VCPIP1: variants seen among roughly 807,000 people sequenced by gnomAD.
The protein encoded by VCPIP1 is valosin containing protein interacting protein 1, also known as deubiquitinating protein VCPIP1.
A neutral mutation model predicts 85.0 loss-of-function variants in VCPIP1; 8 were observed. That is an observed-to-expected ratio of 0.09 (90% confidence interval 0.06 to 0.17). The LOEUF (loss-of-function observed/expected upper bound fraction) is 0.17, where lower values mean the gene tolerates loss of function less well. Among genes scored for constraint, VCPIP1 ranks in the 10% least tolerant of loss-of-function variants. The pLI, the probability that VCPIP1 is intolerant of heterozygous loss-of-function variation, is 1.00. For missense variants in VCPIP1, 1,070 were observed against 1,486.3 expected (o/e 0.72, Z 4.61); for synonymous variants, 543 against 544.5 (o/e 1.00, Z 0.04).
At chr8:66,657,097 G>C (rs1012172898) in intron 1 of VCPIP1, among the ~76,000 whole-genome samples, 12 of 151,988 alleles carry the variant, frequency 7.9e-5, no homozygotes, top group Non-Finnish European at 7.4e-5. Context: ...TAGAGATAGG[G>C]TTTCTCCATG....
At chr8:66,650,361 C>T (rs1811039991) in intron 2 of VCPIP1, among the ~76,000 whole-genome samples, 1 of 152,054 alleles carries the variant, frequency 6.6e-6, no homozygotes, top group African/African-American at 2.4e-5. Context: ...ATGAAAACAA[C>T]AAGATTATGC....
Position 66,664,742 on chromosome 8 carries a change from T to C in VCPIP1, c.2217A>G (p.Gln739=), listed in dbSNP as rs1221074669. The change falls in exon 1 of 3, where the codon CAA becomes CAG. Residue 739 remains glutamine (Q), a synonymous_variant. Coordinates refer to ENST00000310421, the MANE Select transcript of VCPIP1 (RefSeq NM_025054.5). ...GAGAAACAGTCCTGGGTTGCCCTTT[T>C]TGTTCTTGTTTTAACTTCTCTGTTT... The part of the protein sequence containing the change: ...KRKTEKLKQE[Q]KGQPRTVSPS... 3 of 1,613,358 alleles carry C rather than the reference T, an allele frequency of 1.9e-6. No individual in the cohort carries two copies. Among genetic ancestry groups the C allele is most frequent in the African/African-American group, 1.3e-5 (1 of 74,868 alleles).
intron 2 of VCPIP1, among the ~76,000 whole-genome samples, chr8:66,640,172 G>A (rs1810933236): frequency 6.6e-6 from 1 of 152,152 alleles, no homozygotes; most frequent in Non-Finnish European, 1.5e-5. Flanking sequence ...ATTCTATTTT[G>A]GAAGGTACTT....
intron 2 of VCPIP1, among the ~76,000 whole-genome samples, chr8:66,644,432 T>C (rs569804681): frequency 6.6e-6 from 1 of 152,266 alleles, no homozygotes; most frequent in South Asian, 2.1e-4. Context: ...AGAAAAACCA[T>C]ATGATCATCT....
intron 2 of VCPIP1, among the ~76,000 whole-genome samples, chr8:66,641,566 G>C (rs1810948209): frequency 6.6e-6 from 1 of 152,076 alleles, no homozygotes. Flanking sequence ...TTTTAGAACA[G>C]TTTCATCACC....
intron 1 of VCPIP1, among the ~76,000 whole-genome samples, chr8:66,652,523 G>A (rs1402243505): frequency 6.6e-6 from 1 of 151,888 alleles, no homozygotes; most frequent in Non-Finnish European, 1.5e-5. Context: ...TGAGGCAGGA[G>A]AATAGCTTGA....
Position 66,666,549 on chromosome 8 carries a change from T to TA in VCPIP1, c.409dup (p.Tyr137LeufsTer29). On this transcript the variant is annotated frameshift_variant, in exon 1 of 3. Transcript: ENST00000310421. LOFTEE classifies it high-confidence loss of function. This position sits in a 1 kb window ranked among gnomAD's most constrained non-coding sequence, Gnocchi z 6.3. ...CCGGCCTGTCTGTTTGTCCATTCCA[T>TA]AGCGAGCTAATATGGGCGACAACAA... The TA allele has an allele frequency of 6.2e-7, 1 of 1,614,118 alleles. No individual in the cohort carries two copies. Among genetic ancestry groups the TA allele is most frequent in the Non-Finnish European group, 8.5e-7 (1 of 1,180,020 alleles).
In VCPIP1 at chr8:66,664,927, C is replaced by A. The variant is rs777501263; in HGVS notation, c.2032G>T (p.Asp678Tyr). The A allele has an allele frequency of 6.2e-7, 1 of 1,614,160 alleles. No individual in the cohort carries two copies. Among genetic ancestry groups the A allele is most frequent in the Non-Finnish European group, 8.5e-7 (1 of 1,180,038 alleles). ...GACTCTGATTCTTGTCCTTGAACAT[C>A]TCCAACTCTTTGGGCGTGAGCACCA... ...IDGAHAQRVG[D>Y]VQGQESESQL... is the part of the protein sequence containing the mutation. The change falls in exon 1 of 3, where the codon GAT becomes TAT. Residue 678 changes from aspartate (D) to tyrosine (Y), a missense_variant. Physicochemically the swap from Asp to Tyr is radical, Grantham distance 160 (BLOSUM62 -3). Coordinates refer to ENST00000310421, the MANE Select transcript of VCPIP1 (RefSeq NM_025054.5).
intron 2 of VCPIP1, among the ~76,000 whole-genome samples, chr8:66,649,534 T>A: frequency 6.6e-6 from 1 of 152,140 alleles, no homozygotes; most frequent in East Asian, 1.9e-4. Context: ...GGCAGCAGAC[T>A]TGAGATGGCC....
chr8:66,645,177 T>C (rs1810982443), intron 2 of VCPIP1, among the ~76,000 whole-genome samples: 1 of 150,224 alleles, frequency 6.7e-6, no homozygotes, highest in African/African-American at 2.5e-5. Context: ...TCCCAGCACT[T>C]TGGGAGACTG....
At chr8:66,636,849 C>T (rs997314129) in intron 2 of VCPIP1, among the ~76,000 whole-genome samples, 10 of 150,818 alleles carry the variant, frequency 6.6e-5, no homozygotes, top group African/African-American at 1.7e-4. Context: ...AGTGAGACTC[C>T]GTCTCAAAAA....
intron 2 of VCPIP1, among the ~76,000 whole-genome samples, chr8:66,649,768 T>C (rs1811034280): frequency 6.6e-6 from 1 of 152,142 alleles, no homozygotes; most frequent in African/African-American, 2.4e-5. Flanking sequence ...ATTACGGTGG[T>C]GGTGTTGGTT....
intron 1 of VCPIP1, among the ~76,000 whole-genome samples, chr8:66,651,948 G>A (rs1420129918): frequency 6.6e-6 from 1 of 151,618 alleles, no homozygotes; most frequent in African/African-American, 2.4e-5. Context: ...GGGGGTCTGT[G>A]GATAGCCTGA....
At chr8:66,643,328 G>GA (rs113282357) in intron 2 of VCPIP1, among the ~76,000 whole-genome samples, 19,371 of 138,020 alleles carry the variant, frequency 0.14, 3,033 homozygotes, top group African/African-American at 0.39. Flanking sequence ...ATCTCAGAAA[G>GA]AAAAAAAAAA....
chr8:66,651,454 A>G lies in VCPIP1; in HGVS notation c.2797+4T>C. Reference sequence around the variant, plus strand: ...ATTTAAGAATAAAATCAAATTAACTATACCCATGGTTTTCTTCATAATACT... The same window carrying G: ...ATTTAAGAATAAAATCAAATTAACTGTACCCATGGTTTTCTTCATAATACT... On this transcript the variant is annotated splice_donor_region_variant and intron_variant, in intron 2 of 2. Coordinates refer to ENST00000310421, the MANE Select transcript of VCPIP1 (RefSeq NM_025054.5). The G allele has an allele frequency of 6.3e-7, 1 of 1,599,144 alleles. No individual in the cohort carries two copies.
rs1810848051 is a variant in VCPIP1 at position 66,632,903 on chromosome 8, A to C, written c.*1598T>G. 1 of 152,122 alleles carries C rather than the reference A, an allele frequency of 6.6e-6. No homozygotes were observed. Among genetic ancestry groups the C allele is most frequent in the Non-Finnish European group, 1.5e-5 (1 of 67,946 alleles). 9.4% of individuals were successfully genotyped at this position (152,122 alleles called of 1,614,324 possible). ...AAATTTAGGATGAAGATAAAATATA[A>C]AGACAAACGTGATAATGTGATAAAA... is the stretch of plus-strand genomic sequence containing the variant. On this transcript the variant is annotated 3_prime_UTR_variant, in exon 3 of 3. Coordinates refer to ENST00000310421, the MANE Select transcript of VCPIP1 (RefSeq NM_025054.5).
At chr8:66,663,651 T>A (rs963617360) in intron 1 of VCPIP1, among the ~76,000 whole-genome samples, 4 of 152,342 alleles carry the variant, frequency 2.6e-5, no homozygotes, top group Middle Eastern at 3.4e-3. Flanking sequence ...CTACAACTTA[T>A]AACAGTTCAT....
chr8:66,653,882 T>C (rs1029837343), intron 1 of VCPIP1, among the ~76,000 whole-genome samples: 4 of 152,176 alleles, frequency 2.6e-5, no homozygotes, highest in Non-Finnish European at 5.9e-5. Context: ...ATATTAATCA[T>C]AAGATTTTTT....
chr8:66,666,626 C>T lies in VCPIP1; in HGVS notation c.333G>A (p.Lys111=). The change falls in exon 1 of 3, where the codon AAG becomes AAA. Residue 111 remains lysine, a synonymous_variant. Coordinates refer to ENST00000310421, the MANE Select transcript of VCPIP1 (RefSeq NM_025054.5). This position sits in a 1 kb window ranked among gnomAD's most constrained non-coding sequence, Gnocchi z 6.3. ...NALLGVTGAP[K]KNTELVKVMG... ...TCACCTTTACCAGTTCCGTGTTCTT[C>T]TTGGGTGCCCCCGTAACCCCGAGCA... is the stretch of plus-strand genomic sequence containing the variant. The T allele has an allele frequency of 6.2e-7, 1 of 1,614,222 alleles. No individual in the cohort carries two copies. Among genetic ancestry groups the T allele is most frequent in the Non-Finnish European group, 8.5e-7 (1 of 1,180,050 alleles).
Sources: allele counts gnomAD v4.1 joint callset (sites outside exome capture counted in the v4.1 genomes callset), GRCh38; gene constraint gnomAD v4.1.1; non-coding constraint Gnocchi (gnomAD v3.1); transcripts MANE v1.5; gene names NCBI Gene and HGNC (gene_info 2026-07-23, HGNC 2026-07-21).